DNER: variants seen among roughly 807,000 people sequenced by gnomAD.
DNER encodes delta/notch like EGF repeat containing.
DNER carries 33 observed loss-of-function variants against 78.2 expected under a neutral mutation model. The ratio of observed to expected loss-of-function variants is 0.42; its 90% CI spans 0.32 to 0.56. The LOEUF (loss-of-function observed/expected upper bound fraction) is 0.56, where lower values mean the gene tolerates loss of function less well. Among genes scored for constraint, DNER ranks in the 20% least tolerant of loss-of-function variants. The pLI is 0.11. For missense variants in DNER, 918 were observed against 975.3 expected, an observed-to-expected ratio of 0.94 and a Z score of 0.78; for synonymous variants, 417 against 384.8, an observed-to-expected ratio of 1.08 and a Z score of -0.98.
chr2:229,486,214 G>GA (rs1359318299), intron 6 of DNER, among the ~76,000 whole-genome samples: 1 of 152,064 alleles, frequency 6.6e-6, no homozygotes, highest in East Asian at 1.9e-4. Context: ...TTATTGCACA[G>GA]AAAAAAACTA....
intron 6 of DNER, among the ~76,000 whole-genome samples, chr2:229,495,760 A>G (rs1261840258): frequency 6.6e-6 from 1 of 152,260 alleles, no homozygotes; most frequent in Non-Finnish European, 1.5e-5. Context: ...AAGTTGACAC[A>G]TAAAATAAAC....
chr2:229,552,393 G>A (rs1040630565), intron 4 of DNER, among the ~76,000 whole-genome samples: 1 of 152,342 alleles, frequency 6.6e-6, no homozygotes, highest in Admixed American at 6.5e-5. Context: ...TCTGGAGGGT[G>A]CTGCTATGGT....
At chr2:229,455,782 T>A (rs1350690542) in intron 7 of DNER, among the ~76,000 whole-genome samples, 4 of 152,124 alleles carry the variant, frequency 2.6e-5, no homozygotes, top group Non-Finnish European at 5.9e-5. Context: ...CCAGGCACTG[T>A]TCCAAGGGTT....
chr2:229,443,074 T>A (rs1408149018), intron 8 of DNER, among the ~76,000 whole-genome samples: 1 of 152,128 alleles, frequency 6.6e-6, no homozygotes, highest in East Asian at 1.9e-4. Context: ...GTTGAAATGA[T>A]GAGCATCTTA....
At chr2:229,481,901 C>T (rs1695168046) in intron 6 of DNER, among the ~76,000 whole-genome samples, 1 of 152,148 alleles carries the variant, frequency 6.6e-6, no homozygotes, top group South Asian at 2.1e-4. Context: ...AGCATGCATA[C>T]ACAACAGGCA....
chr2:229,386,304 T>A (rs1262702738), intron 11 of DNER, among the ~76,000 whole-genome samples: 1 of 152,156 alleles, frequency 6.6e-6, no homozygotes, highest in Non-Finnish European at 1.5e-5. Flanking sequence ...TCCTTACACC[T>A]TATACAAAAA....
At chr2:229,427,149 A>G (rs1693896416) in intron 8 of DNER, among the ~76,000 whole-genome samples, 1 of 152,190 alleles carries the variant, frequency 6.6e-6, no homozygotes, top group South Asian at 2.1e-4. Flanking sequence ...AAACCTCCCT[A>G]TTATTTATGT....
intron 6 of DNER, among the ~76,000 whole-genome samples, chr2:229,502,301 G>A (rs1695636159): frequency 6.6e-6 from 1 of 152,202 alleles, no homozygotes; most frequent in Non-Finnish European, 1.5e-5. Context: ...GCTCCCTTGA[G>A]GAGGCCACCT....
At chr2:229,672,351 T>C (rs10198320) in intron 1 of DNER, among the ~76,000 whole-genome samples, 13,399 of 151,718 alleles carry the variant, frequency 0.088, 1,439 homozygotes, top group African/African-American at 0.25. Flanking sequence ...AGCCGGACTT[T>C]TGAGATGGAA....
At chr2:229,378,872 A>G (rs910091415) in intron 11 of DNER, among the ~76,000 whole-genome samples, 1 of 152,120 alleles carries the variant, frequency 6.6e-6, no homozygotes, top group African/African-American at 2.4e-5. Flanking sequence ...AGACCCAATT[A>G]TCTAGACACG....
intron 5 of DNER, among the ~76,000 whole-genome samples, chr2:229,519,359 A>C (rs1696047511): frequency 6.6e-6 from 1 of 152,068 alleles, no homozygotes; most frequent in Non-Finnish European, 1.5e-5. Flanking sequence ...ATTCTATTTT[A>C]CTTTCTCCCT....
At chr2:229,630,485 T>C (rs909007578) in intron 1 of DNER, among the ~76,000 whole-genome samples, 3 of 82,026 alleles carry the variant, frequency 3.7e-5, no homozygotes. Context: ...CTCAAAATAA[T>C]AATAATAATA....
chr2:229,628,824 G>A (rs976811768), intron 1 of DNER, among the ~76,000 whole-genome samples: 5 of 152,126 alleles, frequency 3.3e-5, no homozygotes, highest in African/African-American at 9.7e-5. Flanking sequence ...TTGGAACCCC[G>A]GACATCAAAA....
chr2:229,605,873 T>C (rs1965653), intron 1 of DNER, among the ~76,000 whole-genome samples: 2,501 of 152,118 alleles, frequency 0.016, 77 homozygotes, highest in African/African-American at 0.057. Flanking sequence ...GCCTGGGTGA[T>C]GGAGCAAGAC....
chr2:229,419,082 T>C (rs1035928045), intron 8 of DNER, among the ~76,000 whole-genome samples: 1 of 152,210 alleles, frequency 6.6e-6, no homozygotes, highest in South Asian at 2.1e-4. Context: ...TTTAAAGATA[T>C]GATTATATAA....
chr2:229,464,929 A>T (rs1694774120), intron 7 of DNER, among the ~76,000 whole-genome samples: 1 of 152,216 alleles, frequency 6.6e-6, no homozygotes, highest in African/African-American at 2.4e-5. Context: ...AGCCTTTGGC[A>T]TGTTTGAACA....
At chr2:229,363,664 G>T (rs977434704) in intron 12 of DNER, among the ~76,000 whole-genome samples, 2 of 152,230 alleles carry the variant, frequency 1.3e-5, no homozygotes, top group Admixed American at 1.3e-4. Context: ...CACCAAATAA[G>T]AGCCAGGTTT....
chr2:229,685,153 C>T (rs763866692), intron 1 of DNER, among the ~76,000 whole-genome samples: 23 of 152,168 alleles, frequency 1.5e-4, no homozygotes, highest in Non-Finnish European at 3.4e-4. Flanking sequence ...TGCTTAGCAA[C>T]TTGCAGCTTT....
At chr2:229,674,998 A>G (rs1262291256) in intron 1 of DNER, among the ~76,000 whole-genome samples, 2 of 152,166 alleles carry the variant, frequency 1.3e-5, no homozygotes, top group Non-Finnish European at 2.9e-5. Context: ...CATCTTTTAT[A>G]TAAAAATCAC....
Sources: allele counts gnomAD v4.1 joint callset (sites outside exome capture counted in the v4.1 genomes callset), GRCh38; gene constraint gnomAD v4.1.1; transcripts MANE v1.5; gene names NCBI Gene and HGNC (gene_info 2026-07-23, HGNC 2026-07-21).